ATP10A: variants seen among roughly 807,000 people sequenced by gnomAD.
ATP10A encodes ATPase phospholipid transporting 10A (putative), also known as phospholipid-transporting ATPase VA.
ATP10A carries 111 observed loss-of-function variants against 147.8 expected under a neutral mutation model. The observed-to-expected ratio is 0.75, with a 90% CI of 0.64 to 0.88. The LOEUF is 0.88. ATP10A is among the 40% of genes least tolerant of loss of function. The pLI is 0.00. For synonymous variants in ATP10A, 875 were observed against 841.6 expected (o/e 1.04, Z -0.69); for missense variants, 1,927 against 1,959.0 (o/e 0.98, Z 0.31).
intron 5 of ATP10A, 32 bp downstream of exon 5, chr15:25,725,919 C>T: frequency 6.3e-7 from 1 of 1,587,514 alleles, no homozygotes; most frequent in Non-Finnish European, 8.6e-7. Flanking sequence ...CGCCTGGCCC[C>T]CACTCATTTC....
rs1902855037 is a variant in ATP10A, at chr15:25,729,940, G to A, written c.741-2674C>T. On this transcript the variant is annotated intron_variant, in intron 3 of 20. Coordinates refer to ENST00000555815, the MANE Select transcript of ATP10A (RefSeq NM_024490.4). ...TGCCCGGCCCTTGGCTTTGAGCTGG[G>A]TCCCTCCAGTGGGGGATGACAGGAA... is the stretch of plus-strand genomic sequence containing the variant. 2.6e-5 allele frequency among the ~76,000 whole-genome samples: 4 copies of A among 152,256 alleles called. 1 individual carries two copies. The Middle Eastern group carries it at 0.01, about 388-fold the overall frequency.
At chr15:25,821,338 C>T (rs1370736974) in intron 1 of ATP10A, among the ~76,000 whole-genome samples, 1 of 151,756 alleles carries the variant, frequency 6.6e-6, no homozygotes, top group Non-Finnish European at 1.5e-5. Flanking sequence ...GCAATGAGAG[C>T]TGTGTTCTCA....
intron 1 of ATP10A, among the ~76,000 whole-genome samples, chr15:25,808,477 T>C (rs1455572314): frequency 6.6e-6 from 1 of 152,168 alleles, no homozygotes; most frequent in African/African-American, 2.4e-5. Context: ...CTCCGCCTCC[T>C]GGGTTCAAGC....
At chr15:25,687,629 C>A in intron 16 of ATP10A, 74 bp downstream of exon 16, 1 of 902,932 alleles carries the variant, frequency 1.1e-6, no homozygotes, top group Admixed American at 4.9e-5. Flanking sequence ...CATCCTCCTT[C>A]GCCTCATTCA....
Position 25,806,481 on chromosome 15 carries a change from T to G in ATP10A, c.450-25258A>C, listed in dbSNP as rs111849123. Among the ~76,000 whole-genome samples, 525 of 151,920 alleles carry G rather than the reference T, an allele frequency of 3.5e-3. 4 individuals carry two copies. The highest frequency in any genetic ancestry group is 0.012 in the African/African-American group (513 of 41,424). ...GCGCCTGCCACCACGCCCAGCTAAT[T>G]TTTTGTATTTTTAGTAGAGACGGGG... On this transcript the variant is annotated intron_variant, in intron 1 of 20. Transcript: ENST00000555815.
At chr15:25,802,807 G>A (rs930710314) in intron 1 of ATP10A, among the ~76,000 whole-genome samples, 1 of 152,112 alleles carries the variant, frequency 6.6e-6, no homozygotes, top group East Asian at 1.9e-4. Flanking sequence ...TGATCCAGGA[G>A]AATCTATCTC....
intron 1 of ATP10A, among the ~76,000 whole-genome samples, chr15:25,856,407 A>G (rs1281555344): frequency 6.6e-6 from 1 of 152,164 alleles, no homozygotes; most frequent in Non-Finnish European, 1.5e-5. Flanking sequence ...ACTGTGAGTC[A>G]ATTAAACCTG....
chr15:25,701,011 G>A (rs149341918), intron 13 of ATP10A, among the ~76,000 whole-genome samples: 7 of 152,184 alleles, frequency 4.6e-5, no homozygotes, highest in African/African-American at 1.2e-4. Flanking sequence ...GGGGTGCCCC[G>A]GCCAGCGTGG....
At chr15:25,853,629 C>A (rs564001716) in intron 1 of ATP10A, among the ~76,000 whole-genome samples, 18 of 152,108 alleles carry the variant, frequency 1.2e-4, no homozygotes, top group East Asian at 1.2e-3. Flanking sequence ...GTACTCCCCC[C>A]CAGATGAGAC....
Position 25,714,242 on chromosome 15 carries a change from C to T in ATP10A, c.1777-1G>A. The T allele has an allele frequency of 6.3e-7, 1 of 1,599,066 alleles. No homozygotes were observed. Among genetic ancestry groups the T allele is most frequent in the Non-Finnish European group, 8.5e-7 (1 of 1,179,908 alleles). On this transcript the variant is annotated splice_acceptor_variant, in intron 9 of 20. Coordinates refer to ENST00000555815, the MANE Select transcript of ATP10A (RefSeq NM_024490.4). LOFTEE classifies it high-confidence loss of function. Reference sequence around the variant, plus strand: ...ACTTCAGCTCAAACCTCACCCTCACCTGCAAGAGAAATGGTCAGAAGGCAG... The same window carrying T: ...ACTTCAGCTCAAACCTCACCCTCACTTGCAAGAGAAATGGTCAGAAGGCAG...
intron 1 of ATP10A, among the ~76,000 whole-genome samples, chr15:25,783,571 C>T (rs141098807): frequency 1.6e-4 from 25 of 152,296 alleles, no homozygotes; most frequent in African/African-American, 5.1e-4. Flanking sequence ...TAAGCCTCTA[C>T]TTTTTTTAAA....
At chr15:25,773,018 G>A (rs745493794) in intron 2 of ATP10A, among the ~76,000 whole-genome samples, 15 of 152,128 alleles carry the variant, frequency 9.9e-5, no homozygotes, top group East Asian at 1.9e-4. Context: ...AATTAATTTC[G>A]ACACTAAACC....
At chr15:25,829,305 A>T (rs1892253709) in intron 1 of ATP10A, among the ~76,000 whole-genome samples, 1 of 152,154 alleles carries the variant, frequency 6.6e-6, no homozygotes, top group Non-Finnish European at 1.5e-5. Flanking sequence ...CAGATCAGTG[A>T]CTTTCAGAGC....
At chr15:25,705,672 G>GT (rs1354905742) in intron 12 of ATP10A, among the ~76,000 whole-genome samples, 2 of 152,158 alleles carry the variant, frequency 1.3e-5, no homozygotes, top group Non-Finnish European at 2.9e-5. Flanking sequence ...GCAGGAGATG[G>GT]TAAGTGGTTA....
In ATP10A at chr15:25,721,896, A is replaced by G. The variant is rs1359299182; in HGVS notation, c.1124T>C (p.Ile375Thr). ...AATTTCAATGGAAACGTATAAGGAAATTGGGATCAAAACCTGGAAGAGACA... is the reference window on the plus strand; with the variant it reads ...AATTTCAATGGAAACGTATAAGGAAGTTGGGATCAAAACCTGGAAGAGACA... Reference protein sequence around the residue: ...MIIVLQVLIPISLYVSIEIVK... With the variant: ...MIIVLQVLIPTSLYVSIEIVK... The change falls in exon 7 of 21, where the codon ATT becomes ACT. Residue 375 changes from isoleucine to threonine, a missense_variant. Transcript: ENST00000555815. 9 of 1,604,958 alleles carry G rather than the reference A, an allele frequency of 5.6e-6. No homozygotes were observed.
chr15:25,753,881 A>G (rs1888284007), intron 2 of ATP10A, among the ~76,000 whole-genome samples: 1 of 151,684 alleles, frequency 6.6e-6, no homozygotes, highest in African/African-American at 2.4e-5. Context: ...GGCTCAAGGG[A>G]TTCTCCCACC....
At position 25,705,615 on chromosome 15, in the gene ATP10A, A is replaced by T. The variant is rs891654787; in HGVS notation, c.2575+2361T>A. 2.4e-4 allele frequency among the ~76,000 whole-genome samples: 37 copies of T among 152,228 alleles called. 1 individual carries two copies. The highest frequency in any genetic ancestry group is 8.9e-4 in the African/African-American group (37 of 41,542). ...CGCTAAGGTGGTGGGTGGCTCCCAT[A>T]CTCTCCAGCTCAGGCCTCGTCATTT... On this transcript the variant is annotated intron_variant, in intron 12 of 20. Transcript: ENST00000555815.
At chr15:25,781,246 CAA>C in intron 1 of ATP10A, 23 bp from the exon 2 acceptor site, 1 of 1,591,766 alleles carries the variant, frequency 6.3e-7, no homozygotes, top group Non-Finnish European at 8.6e-7. Context: ...TTTTGATTAA[CAA>C]AACTCACGAG....
chr15:25,760,028 G>A (rs1209395452), intron 2 of ATP10A, among the ~76,000 whole-genome samples: 5 of 151,224 alleles, frequency 3.3e-5, no homozygotes, highest in African/African-American at 1.2e-4. Flanking sequence ...GTGCAGTGGC[G>A]CGATCTCGGC....
Sources: allele counts gnomAD v4.1 joint callset (sites outside exome capture counted in the v4.1 genomes callset), GRCh38; gene constraint gnomAD v4.1.1; transcripts MANE v1.5; gene names NCBI Gene and HGNC (gene_info 2026-07-23, HGNC 2026-07-21).